Variants in SYNE2 observed in about 807,000 individuals in gnomAD.
SYNE2 encodes the protein spectrin repeat containing nuclear envelope protein 2.
Under a neutral mutation model 856.3 loss-of-function variants are expected in SYNE2, and 431 were observed. The observed-to-expected ratio is 0.50, with a 90% confidence interval of 0.47 to 0.55. The LOEUF is 0.55. Among genes scored for constraint, SYNE2 ranks in the 20% least tolerant of loss-of-function variants. The pLI, the probability that SYNE2 is intolerant of heterozygous loss-of-function variation, is 0.00. For missense variants in SYNE2, 8,129 were observed against 8,023.2 expected, an observed-to-expected ratio of 1.01 and a Z score of -0.50; for synonymous variants, 2,923 against 2,872.3, an observed-to-expected ratio of 1.02 and a Z score of -0.56.
Position 64,217,637 on chromosome 14 carries a change from G to A in SYNE2, c.19543-761G>A, listed in dbSNP as rs566399506. ...TTACATCCTTGGCTCATGTGGCTTG[G>A]CTATCCCTTCCTGTGATGACGCCTG... On this transcript the variant is annotated intron_variant, in intron 108 of 115. Coordinates refer to ENST00000555002, the MANE Select transcript of SYNE2 (RefSeq NM_182914.3). Among the ~76,000 whole-genome samples the A allele has an allele frequency of 2.3e-4, 35 of 152,322 alleles. No individual in the cohort carries two copies. The South Asian group carries it at 6.8e-3, about 30-fold the overall frequency.
chr14:64,158,629 A>T lies in SYNE2; in HGVS notation c.15797A>T (p.Asn5266Ile). The T allele has an allele frequency of 1.2e-6, 2 of 1,613,744 alleles. No homozygotes were observed. Among genetic ancestry groups the T allele is most frequent in the Non-Finnish European group, 1.7e-6 (2 of 1,179,846 alleles). ...QKRSSVLTQVNQLKTSMQSVL... is the reference protein window; with the variant it reads ...QKRSSVLTQVIQLKTSMQSVL... ...ACGTTTCCACTTTTTGTCTAGGTCAATCAGCTCAAAACCTCCATGCAGTCA... is the reference window on the plus strand; with the variant it reads ...ACGTTTCCACTTTTTGTCTAGGTCATTCAGCTCAAAACCTCCATGCAGTCA... The change falls in exon 86 of 116, where the codon AAT becomes ATT. Residue 5266 changes from asparagine to isoleucine, a missense_variant. Around this residue, in one of 3 missense-constraint regions of SYNE2, gnomAD observed 5,410 missense variants for 5,284.8 expected, o/e 1.02. Coordinates refer to ENST00000555002, the MANE Select transcript of SYNE2 (RefSeq NM_182914.3).
chr14:63,827,747 C>G lies in SYNE2; in HGVS notation c.-304-24754C>G, dbSNP rs1889509215. ...AAAGTTTATTAAGCACAGTATTACA[C>G]TCTCACAGGGGGAGAGCGGACTGAT... On this transcript the variant is annotated intron_variant, in intron 1 of 23. Coordinates refer to the SYNE2 transcript ENST00000674003. Among the ~76,000 whole-genome samples the G allele has an allele frequency of 2.7e-5, 4 of 150,452 alleles. No individual in the cohort carries two copies. The South Asian group carries it at 8.4e-4, about 32-fold the overall frequency.
At position 64,188,717 on chromosome 14, in the gene SYNE2, G is replaced by A; in HGVS notation, c.17871+9G>A. On this transcript the variant is annotated intron_variant, in intron 98 of 115. Transcript: ENST00000555002. ...TTGAAAAGTTACAGAAGGTAAGGGA[G>A]GACACCCAGGTGGATGTAGTTATGA... The A allele has an allele frequency of 6.2e-7, 1 of 1,613,998 alleles. No homozygotes were observed. Among genetic ancestry groups the A allele is most frequent in the Non-Finnish European group, 8.5e-7 (1 of 1,179,964 alleles).
chr14:63,837,775 T>C (rs1012512566), intron 1 of SYNE2, among the ~76,000 whole-genome samples: 7 of 151,176 alleles, frequency 4.6e-5, no homozygotes, highest in Non-Finnish European at 7.4e-5. Context: ...AAAAATTAGC[T>C]CAGTATATTG....
At chr14:63,786,482 T>G (rs775664247) in intron 1 of SYNE2, among the ~76,000 whole-genome samples, 1 of 152,224 alleles carries the variant, frequency 6.6e-6, no homozygotes, top group Non-Finnish European at 1.5e-5. Context: ...ACATAACTAC[T>G]TTCATCATTT....
intron 2 of SYNE2, among the ~76,000 whole-genome samples, chr14:63,924,896 A>T (rs2095645611): frequency 8.0e-6 from 1 of 125,120 alleles, no homozygotes; most frequent in South Asian, 2.7e-4. Context: ...AATGGAAGTG[A>T]TGGAAGTATA....
chr14:64,136,313 A>T (rs1466738587), intron 78 of SYNE2, among the ~76,000 whole-genome samples: 1 of 144,646 alleles, frequency 6.9e-6, no homozygotes, highest in South Asian at 2.2e-4. Flanking sequence ...AAAAAAAAAA[A>T]TTGGGGGGTG....
rs547186399 is a variant in SYNE2, at chr14:63,814,297, CAAAG to C, written c.-304-38201_-304-38198del. On this transcript the variant is annotated intron_variant, in intron 1 of 23. Transcript: ENST00000674003. ...AAAAAAACAAAAACAAACAAACAAACAAAGAACAGAACAAAACAAAACAAAACAA... is the reference window on the plus strand; with the variant it reads ...AAAAAAACAAAAACAAACAAACAAACAACAGAACAAAACAAAACAAAACAA... Among the ~76,000 whole-genome samples, 9 of 149,466 alleles carry C rather than the reference CAAAG, an allele frequency of 6.0e-5. No individual in the cohort carries two copies. The South Asian group carries it at 1.1e-3, about 18-fold the overall frequency.
chr14:63,991,194 A>G lies in SYNE2; in HGVS notation c.2646+79A>G, dbSNP rs2096663804. 8 of 1,382,048 alleles carry G rather than the reference A, an allele frequency of 5.8e-6. No homozygotes were observed. The South Asian group carries it at 9.8e-5, about 17-fold the overall frequency. The allele number at this position is 1,382,048 out of a possible 1,614,324, so 85.6% of individuals were successfully genotyped here. A position where few individuals can be genotyped will look rare whatever the true frequency, so the allele number is the denominator to read the frequency against. Reference sequence around the variant, plus strand: ...TGTTTGAAATCAAGATGTTTCCTTCACTGTAATTATATACTGAGTTACTGT... The same window carrying G: ...TGTTTGAAATCAAGATGTTTCCTTCGCTGTAATTATATACTGAGTTACTGT... On this transcript the variant is annotated intron_variant, in intron 21 of 115. Coordinates refer to ENST00000555002, the MANE Select transcript of SYNE2 (RefSeq NM_182914.3).
intron 48 of SYNE2, 29 bp downstream of exon 48, chr14:64,053,686 G>T: frequency 3.7e-6 from 6 of 1,607,980 alleles, no homozygotes; most frequent in Non-Finnish European, 5.1e-6. Context: ...GCAGTTAGTG[G>T]CTGGGTGCGG....
chr14:64,123,995 A>G (rs1189875955), intron 70 of SYNE2, among the ~76,000 whole-genome samples: 3 of 151,768 alleles, frequency 2.0e-5, no homozygotes, highest in Non-Finnish European at 4.4e-5. Context: ...ACCTGAGGTC[A>G]GGAGTTCAAG....
intron 64 of SYNE2, among the ~76,000 whole-genome samples, chr14:64,104,917 A>G (rs529446343): frequency 6.6e-6 from 1 of 152,018 alleles, no homozygotes; most frequent in African/African-American, 2.4e-5. Flanking sequence ...AGTTTCTCCA[A>G]CTCAAACCTA....
At chr14:64,210,456 G>A (rs944512493) in intron 103 of SYNE2, among the ~76,000 whole-genome samples, 41 of 152,312 alleles carry the variant, frequency 2.7e-4, no homozygotes, top group African/African-American at 9.6e-4. Context: ...AAGGCAACAC[G>A]TGGGCCCCTG....
At chr14:64,221,837 G>T in intron 112 of SYNE2, 133 bp downstream of exon 112, 1 of 1,077,224 alleles carries the variant, frequency 9.3e-7, no homozygotes, top group Non-Finnish European at 1.4e-6. Flanking sequence ...CACGAGTTCA[G>T]CCCTAGTGTT....
At chr14:63,803,779 C>T (rs897055867) in intron 1 of SYNE2, among the ~76,000 whole-genome samples, 2 of 152,300 alleles carry the variant, frequency 1.3e-5, no homozygotes, top group South Asian at 2.1e-4. Context: ...GAGGAGGTGC[C>T]GAGAGCGAGC....
chr14:63,856,316 A>C (rs939213500), intron 1 of SYNE2, among the ~76,000 whole-genome samples: 9 of 152,244 alleles, frequency 5.9e-5, no homozygotes, highest in Admixed American at 2.0e-4. Flanking sequence ...GAGATTATGC[A>C]GTAGGTGAGT....
intron 45 of SYNE2, among the ~76,000 whole-genome samples, chr14:64,043,291 G>A (rs375861090): frequency 4.6e-5 from 7 of 152,290 alleles, no homozygotes; most frequent in Admixed American, 6.5e-5. Flanking sequence ...TATAAAGGAA[G>A]CAGAGCATAA....
Position 64,202,869 on chromosome 14 carries a change from C to A in SYNE2, c.18107C>A (p.Thr6036Asn), listed in dbSNP as rs778541914. 1.2e-6 allele frequency: 2 copies of A among 1,614,044 alleles called. No homozygotes were observed. The highest frequency in any genetic ancestry group is 1.7e-6 in the Non-Finnish European group (2 of 1,180,034). Residue 6036 changes from threonine (T) to asparagine (N), a missense_variant, in exon 100 of 116, where the codon ACC (threonine) becomes AAC (asparagine). Coordinates refer to ENST00000555002, the MANE Select transcript of SYNE2 (RefSeq NM_182914.3). ...QLDKNMSNLRTWLARIESELS... is the reference protein window; with the variant it reads ...QLDKNMSNLRNWLARIESELS... ...GACAAAAACATGAGCAACCTTCGCA[C>A]CTGGTTGGCTCGAATTGAGTCTGAG...
chr14:64,156,310 T>A (rs1183936120), intron 85 of SYNE2, among the ~76,000 whole-genome samples: 1 of 152,214 alleles, frequency 6.6e-6, no homozygotes, highest in Non-Finnish European at 1.5e-5. Flanking sequence ...GTTCTTGTGT[T>A]GACATGTATA....
Sources: gnomAD v4.1 joint callset for allele counts (sites outside exome capture counted in the v4.1 genomes callset) on GRCh38, gnomAD v4.1.1 for gene constraint, gnomAD v4.1.1 regional missense constraint, MANE v1.5 for transcripts, NCBI Gene and HGNC (gene_info 2026-07-23, HGNC 2026-07-21) for gene names.